WDR45B: variants seen among roughly 807,000 people sequenced by gnomAD.
WDR45B encodes the protein WD repeat domain phosphoinositide-interacting protein 3.
In WDR45B, 20 loss-of-function variants were observed where a neutral mutation model predicts 44.6. That is an observed-to-expected ratio of 0.45 (90% CI 0.32 to 0.65). WDR45B has a LOEUF of 0.65. Ranked by LOEUF, WDR45B falls within the 30% of genes least tolerant of loss-of-function variation. The probability of loss-of-function intolerance (pLI) is 0.05; values close to 1 mark genes in which losing one functional copy is unlikely to be tolerated. For missense variants in WDR45B, 323 were observed against 430.2 expected (o/e 0.75, Z 2.20); for synonymous variants, 169 against 164.9 (o/e 1.02, Z -0.19).
At chr17:82,616,814 T>A (rs1487675490) in intron 8 of WDR45B, among the ~76,000 whole-genome samples, 169 bp from the exon 9 acceptor site, 1 of 151,432 alleles carries the variant, frequency 6.6e-6, no homozygotes. Context: ...CAATTTTATT[T>A]AAAAAAAAAA....
chr17:82,641,523 G>C (rs1037105176), intron 2 of WDR45B, among the ~76,000 whole-genome samples: 4 of 152,068 alleles, frequency 2.6e-5, no homozygotes, highest in African/African-American at 4.8e-5. Flanking sequence ...CCTGATTGTG[G>C]GTCTGAAGAA....
At chr17:82,616,766 G>C in intron 8 of WDR45B, 121 bp from the exon 9 acceptor site, 1 of 1,353,810 alleles carries the variant, frequency 7.4e-7, no homozygotes, top group Non-Finnish European at 1.0e-6. Context: ...GAGCTTTAAT[G>C]AATTTTTTTT....
chr17:82,624,095 GGCT>G (rs1424986099), intron 5 of WDR45B, among the ~76,000 whole-genome samples: 2 of 151,952 alleles, frequency 1.3e-5, no homozygotes, highest in Admixed American at 1.3e-4. Context: ...CCCACACAAA[GGCT>G]GCTATGGGAA....
At chr17:82,643,358 G>A (rs1331787404) in intron 2 of WDR45B, among the ~76,000 whole-genome samples, 22 of 152,136 alleles carry the variant, frequency 1.4e-4, no homozygotes, top group African/African-American at 5.3e-4. Context: ...GCTTGAACCC[G>A]GGAGGCGGAG....
rs568087533 is a variant in WDR45B, at chr17:82,622,546, C to A, written c.428-747G>T. The stretch of plus-strand genomic sequence containing the variant: ...CTCCCAGGTTCACGCCGTTCTCCTG[C>A]CTCAGCCTCCCGAGTAGCTGGGACT... On this transcript the variant is annotated intron_variant, in intron 5 of 9. Transcript: ENST00000392325. 3.7e-4 allele frequency among the ~76,000 whole-genome samples: 56 copies of A among 152,222 alleles called. No homozygotes were observed. The East Asian group carries it at 0.011, about 29-fold the overall frequency.
rs1489916079 is a variant in WDR45B at position 82,615,492 on chromosome 17, T to C, written c.*427A>G. On this transcript the variant is annotated 3_prime_UTR_variant, in exon 10 of 10. Coordinates refer to ENST00000392325, the MANE Select transcript of WDR45B (RefSeq NM_019613.4). Reference sequence around the variant, plus strand: ...TCAATCTGCTTATCATGTAAGAACTTACATCTGCACACTTGTTCACTCCCC... The same window carrying C: ...TCAATCTGCTTATCATGTAAGAACTCACATCTGCACACTTGTTCACTCCCC... 2.0e-5 allele frequency: 5 copies of C among 251,560 alleles called. No homozygotes were observed. The highest frequency in any genetic ancestry group is 3.2e-5 in the Non-Finnish European group (4 of 126,200). 15.6% of individuals were successfully genotyped at this position (251,560 alleles called of 1,614,324 possible).
intron 2 of WDR45B, among the ~76,000 whole-genome samples, chr17:82,643,234 A>AC (rs1247958042): frequency 6.6e-6 from 1 of 152,146 alleles, no homozygotes; most frequent in Non-Finnish European, 1.5e-5. Context: ...GGAGTTAGAG[A>AC]CCAGCCTGGC....
At position 82,616,034 on chromosome 17, in the gene WDR45B, G is replaced by T; in HGVS notation, c.929-9C>A. 1 of 1,611,528 alleles carries T rather than the reference G, an allele frequency of 6.2e-7. No individual in the cohort carries two copies. Among genetic ancestry groups the T allele is most frequent in the Non-Finnish European group, 8.5e-7 (1 of 1,177,998 alleles). On this transcript the variant is annotated splice_polypyrimidine_tract_variant and intron_variant, in intron 9 of 9. Transcript: ENST00000392325. ...GCCGTCTGCACAAATTGCTGGGATA[G>T]AAGGAGACCATTTTACCTGTGTGTT...
Position 82,648,314 on chromosome 17 carries a change from G to C in WDR45B, c.27C>G (p.His9Gln). 1 of 1,606,938 alleles carries C rather than the reference G, an allele frequency of 6.2e-7. No homozygotes were observed. The highest frequency in any genetic ancestry group is 8.5e-7 in the Non-Finnish European group (1 of 1,178,026). ...AGCCGGCGTAGAGCAGCCCGTTGCC[G>C]TGAGGGTTACACGGCAGGAGGTTCA... Reference protein sequence around the residue: MNLLPCNPHGNGLLYAGFN... With the variant: MNLLPCNPQGNGLLYAGFN... The change falls in exon 1 of 10, where the codon CAC becomes CAG. Residue 9 changes from histidine (H) to glutamine (Q), a missense_variant. By Grantham distance (24) the His-to-Gln change is conservative. Coordinates refer to ENST00000392325, the MANE Select transcript of WDR45B (RefSeq NM_019613.4).
chr17:82,624,722 G>C (rs546490490), intron 5 of WDR45B, among the ~76,000 whole-genome samples: 1,701 of 148,320 alleles, frequency 0.011, 9 homozygotes, highest in Middle Eastern at 0.021. Flanking sequence ...GGGTTCAAGT[G>C]ATTCTCCTGC....
At chr17:82,622,416 G>C (rs1233156720) in intron 5 of WDR45B, among the ~76,000 whole-genome samples, 2 of 152,108 alleles carry the variant, frequency 1.3e-5, no homozygotes, top group African/African-American at 2.4e-5. Flanking sequence ...GAAAAATAAA[G>C]GCACTGGAAC....
intron 3 of WDR45B, among the ~76,000 whole-genome samples, chr17:82,628,297 C>T (rs1392343960): frequency 3.9e-5 from 6 of 152,222 alleles, no homozygotes; most frequent in African/African-American, 9.6e-5. Flanking sequence ...CCAGCCCCTG[C>T]TCCTTTTTAA....
At chr17:82,620,055 T>G (rs2045592837) in intron 6 of WDR45B, among the ~76,000 whole-genome samples, 1 of 152,150 alleles carries the variant, frequency 6.6e-6, no homozygotes, top group South Asian at 2.1e-4. Flanking sequence ...TAAGAAAAAA[T>G]GTACCAAAAA....
intron 4 of WDR45B, among the ~76,000 whole-genome samples, chr17:82,626,633 G>A (rs2143294994): frequency 6.6e-6 from 1 of 151,176 alleles, no homozygotes; most frequent in African/African-American, 2.4e-5. Context: ...GACAGAGATG[G>A]AAATCTTAGA....
chr17:82,637,410 A>G lies in WDR45B; in HGVS notation c.143-6388T>C, dbSNP rs554765136. 1.3e-5 allele frequency among the ~76,000 whole-genome samples: 2 copies of G among 152,108 alleles called. 1 individual carries two copies. Among genetic ancestry groups the G allele is most frequent in the African/African-American group, 4.8e-5 (2 of 41,390 alleles). On this transcript the variant is annotated intron_variant, in intron 2 of 9. Coordinates refer to ENST00000392325, the MANE Select transcript of WDR45B (RefSeq NM_019613.4). ...TCTATTCTCACACAATCACCAACAC[A>G]GAAGACTTCTGTGACTAAAGCAGAA...
At chr17:82,626,115 T>C (rs900430023) in intron 4 of WDR45B, among the ~76,000 whole-genome samples, 2 of 151,716 alleles carry the variant, frequency 1.3e-5, no homozygotes, top group African/African-American at 4.8e-5. Flanking sequence ...ACTCCTGACC[T>C]TGTGATCCGC....
chr17:82,615,590 G>A lies in WDR45B; in HGVS notation c.*329C>T, dbSNP rs113693233. On this transcript the variant is annotated 3_prime_UTR_variant, in exon 10 of 10. Coordinates refer to ENST00000392325, the MANE Select transcript of WDR45B (RefSeq NM_019613.4). ...TGAACTCGTCCACCCTCTCAGCCCA[G>A]TCCCCAGGTCCGTATGGAGCCCCCG... 5,713 of 405,878 alleles carry A rather than the reference G, an allele frequency of 0.014. 315 individuals carry two copies. The highest frequency in any genetic ancestry group is 0.11 in the African/African-American group (5,236 of 49,130). The allele number at this position is 405,878 out of a possible 1,614,324, so 25.1% of individuals were successfully genotyped here.
intron 2 of WDR45B, among the ~76,000 whole-genome samples, chr17:82,642,233 A>G (rs1173649873): frequency 6.6e-6 from 1 of 152,140 alleles, no homozygotes. Context: ...CAGGCGAACA[A>G]GCATCCCCAC....
intron 6 of WDR45B, among the ~76,000 whole-genome samples, chr17:82,619,823 G>A (rs2045589473): frequency 1.3e-5 from 2 of 152,188 alleles, no homozygotes; most frequent in South Asian, 4.1e-4. Flanking sequence ...CAGCTTGTGG[G>A]GGACAAGGCA....
Sources: allele counts gnomAD v4.1 joint callset (sites outside exome capture counted in the v4.1 genomes callset), GRCh38; gene constraint gnomAD v4.1.1; transcripts MANE v1.5; gene names NCBI Gene and HGNC (gene_info 2026-07-23, HGNC 2026-07-21).